The following TTLL3 variants were observed in gnomAD, a reference collection of about 807,000 sequenced individuals.
The protein encoded by TTLL3 is tubulin monoglycylase TTLL3.
A neutral mutation model predicts 75.2 loss-of-function variants in TTLL3; 63 were observed. The ratio of observed to expected loss-of-function variants is 0.84; its 90% CI spans 0.68 to 1.03. The LOEUF is 1.03. Ranked by LOEUF, TTLL3 falls within the 50% of genes least tolerant of loss-of-function variation. TTLL3 has a pLI of 0.00. For missense variants in TTLL3, 997 were observed against 1,069.9 expected, an observed-to-expected ratio of 0.93 and a Z score of 0.95; for synonymous variants, 393 against 418.5, an observed-to-expected ratio of 0.94 and a Z score of 0.74.
intron 5 of TTLL3, among the ~76,000 whole-genome samples, chr3:9,816,998 G>A (rs921886214): frequency 2.0e-5 from 3 of 152,252 alleles, no homozygotes; most frequent in East Asian, 3.9e-4. Flanking sequence ...AAGAGATGAG[G>A]TCTTGCTATG....
upstream of TTLL3, chr3:9,809,934 C>A: frequency 1.6e-6 from 2 of 1,252,126 alleles, no homozygotes; most frequent in East Asian, 3.2e-5. Flanking sequence ...CAGGAACTTC[C>A]CGGGAGAGGA....
intron 4 of TTLL3, among the ~76,000 whole-genome samples, chr3:9,815,829 G>A (rs1022508080): frequency 2.6e-5 from 4 of 152,252 alleles, no homozygotes; most frequent in Non-Finnish European, 5.9e-5. Context: ...GGAGGCAGAA[G>A]AGAGTCTTTG....
In TTLL3 at chr3:9,835,397, G is replaced by A; in HGVS notation, c.2356G>A (p.Val786Met). 1.2e-6 allele frequency: 2 copies of A among 1,613,746 alleles called. No individual in the cohort carries two copies. The highest frequency in any genetic ancestry group is 1.7e-6 in the Non-Finnish European group (2 of 1,180,002). The change falls in exon 14 of 14, where the codon GTG becomes ATG. Residue 786 changes from valine (V) to methionine (M), a missense_variant. Physicochemically the swap from Val to Met is conservative, Grantham distance 21 (BLOSUM62 1). Coordinates refer to ENST00000685419, the MANE Select transcript of TTLL3 (RefSeq NM_001387446.1). ...TCCAACACCAAATAAAAAGAAACAA[G>A]TGAAGTATTTGGGGCTTGACTCCAT... ...LDPTPNKKKQ[V>M]KYLGLDSIAV... is the part of the protein sequence containing the mutation.
Position 9,810,668 on chromosome 3 carries a change from C to G in TTLL3, c.7C>G (p.Arg3Gly). Reference protein sequence around the residue: MNRLRNAKIYVER... With the variant: MNGLRNAKIYVER... ...ATCCTCCAAGGCGTCTCACATGAAC[C>G]GGCTCAGAAACGCCAAAATCTACGT... The change falls in exon 2 of 14, where the codon CGG becomes GGG. Residue 3 changes from arginine to glycine, a missense_variant. By Grantham distance (125) the Arg-to-Gly change is moderately radical. Transcript: ENST00000685419. The surrounding 1 kb of genome is among the most constrained non-coding windows in gnomAD (Gnocchi z 4.4). 1 of 1,585,704 alleles carries G rather than the reference C, an allele frequency of 6.3e-7. No homozygotes were observed. Among genetic ancestry groups the G allele is most frequent in the South Asian group, 1.2e-5 (1 of 86,476 alleles).
intron 10 of TTLL3, chr3:9,828,755 C>G: frequency 1.5e-6 from 1 of 661,378 alleles, no homozygotes; most frequent in South Asian, 2.0e-5. Flanking sequence ...CTCAGAGCAG[C>G]CCTGAGAGAT....
intron 7 of TTLL3, 190 bp from the exon 8 acceptor site, chr3:9,820,356 C>T (rs1449876613): frequency 6.2e-6 from 9 of 1,445,636 alleles, no homozygotes; most frequent in African/African-American, 1.4e-5. Context: ...GAGCCAAGGG[C>T]AAGTGCTAGA....
At chr3:9,812,771 T>C (rs1305511719) in intron 2 of TTLL3, 172 bp from the exon 3 acceptor site, 1 of 741,694 alleles carries the variant, frequency 1.3e-6, no homozygotes, top group African/African-American at 1.8e-5. Context: ...CTATTATCAT[T>C]ATTACCATGC....
intron 10 of TTLL3, 137 bp from the exon 11 acceptor site, chr3:9,828,823 C>G: frequency 8.0e-6 from 9 of 1,118,884 alleles, no homozygotes; most frequent in Non-Finnish European, 1.1e-5. Flanking sequence ...TCCTTTTTGT[C>G]CTTCCCAGTA....
chr3:9,824,737 C>CTTTTTTTTT (rs71052207), intron 8 of TTLL3, among the ~76,000 whole-genome samples: 52 of 80,600 alleles, frequency 6.5e-4, no homozygotes, highest in Non-Finnish European at 8.6e-4. Flanking sequence ...CTTTTCTTTT[C>CTTTTTTTTT]TTTTTTTTTT....
chr3:9,828,672 C>G (rs2081270374), intron 10 of TTLL3: 1 of 458,506 alleles, frequency 2.2e-6, no homozygotes. Context: ...ACCCTCTTAT[C>G]TTCCAGACAC....
Position 9,818,851 on chromosome 3 carries a change from G to A in TTLL3, c.589G>A (p.Val197Ile), listed in dbSNP as rs374967773. 74 of 1,614,128 alleles carry A rather than the reference G, an allele frequency of 4.6e-5. 1 individual carries two copies. The highest frequency in any genetic ancestry group is 1.7e-4 in the Middle Eastern group (1 of 6,058). Residue 197 changes from valine (V) to isoleucine (I), a missense_variant, in exon 7 of 14, where the codon GTT becomes ATT. Transcript: ENST00000685419. ...CTTCTGGCTGACTGCTGCCCGCAAC[G>A]TTCTCAAGCTGGTGGTGAAGTCTGA... is the stretch of plus-strand genomic sequence containing the variant. ...EDFWLTAARN[V>I]LKLVVKSEWK...
intron 4 of TTLL3, 32 bp downstream of exon 4, chr3:9,813,377 G>A (rs769683679): frequency 1.2e-5 from 20 of 1,612,012 alleles, no homozygotes; most frequent in Non-Finnish European, 1.3e-5. Context: ...ATGATACAGG[G>A]ACTGCCTGCT....
At chr3:9,834,569 G>T (rs1047168950) in intron 12 of TTLL3, 112 bp from the exon 13 acceptor site, 6 of 1,513,962 alleles carry the variant, frequency 4.0e-6, no homozygotes, top group African/African-American at 1.4e-5. Context: ...GGGCTCCGTC[G>T]GCCTTCACCC....
chr3:9,826,992 C>T lies in TTLL3; in HGVS notation c.1004-5C>T, dbSNP rs760700877. ...CCAATCCCTGACTGCCCTCTTCCCC[C>T]GTAGGCATCATGTGCATGGACCACC... is the stretch of plus-strand genomic sequence containing the variant. On this transcript the variant is annotated splice_polypyrimidine_tract_variant and splice_region_variant and intron_variant, in intron 9 of 13. Coordinates refer to ENST00000685419, the MANE Select transcript of TTLL3 (RefSeq NM_001387446.1). 38 of 1,613,980 alleles carry T rather than the reference C, an allele frequency of 2.4e-5. No homozygotes were observed. The highest frequency in any genetic ancestry group is 2.0e-4 in the African/African-American group (15 of 74,910).
chr3:9,835,140 G>A lies in TTLL3; in HGVS notation c.2099G>A (p.Cys700Tyr). Residue 700 changes from cysteine (C) to tyrosine (Y), a missense_variant, in exon 14 of 14, where the codon TGT becomes TAT. Physicochemically the swap from Cys to Tyr is radical, Grantham distance 194. Coordinates refer to ENST00000685419, the MANE Select transcript of TTLL3 (RefSeq NM_001387446.1). The stretch of plus-strand genomic sequence containing the variant: ...CGAGGCCCCCAGCTGGAAGTGCCTT[G>A]TTGCCTCTGCCCTTTGAAGTCGGAA... Reference protein sequence around the residue: ...CLRGPQLEVPCCLCPLKSEQF... With the variant: ...CLRGPQLEVPYCLCPLKSEQF... 6.2e-7 allele frequency: 1 copy of A among 1,613,978 alleles called. No individual in the cohort carries two copies. Among genetic ancestry groups the A allele is most frequent in the Non-Finnish European group, 8.5e-7 (1 of 1,179,912 alleles).
chr3:9,830,796 T>C (rs913123115), intron 11 of TTLL3, among the ~76,000 whole-genome samples: 9 of 152,082 alleles, frequency 5.9e-5, no homozygotes, highest in African/African-American at 1.9e-4. Context: ...ATTTTTCAAA[T>C]GCCCCCCAAA....
chr3:9,822,758 A>T (rs982701214), intron 8 of TTLL3, among the ~76,000 whole-genome samples: 5 of 138,576 alleles, frequency 3.6e-5, no homozygotes, highest in Admixed American at 1.5e-4. Flanking sequence ...AATATATATA[A>T]TACATAATAT....
intron 4 of TTLL3, among the ~76,000 whole-genome samples, chr3:9,813,991 G>C (rs1253811244): frequency 6.6e-6 from 1 of 152,044 alleles, no homozygotes. Flanking sequence ...AGGCAGGAAG[G>C]AAGGTCTTAA....
At chr3:9,814,841 G>A (rs116818878) in intron 4 of TTLL3, among the ~76,000 whole-genome samples, 3,077 of 152,032 alleles carry the variant, frequency 0.02, 87 homozygotes, top group African/African-American at 0.07. Context: ...AAAGAAAAAA[G>A]GTTGAAAGAG....
Sources: allele counts gnomAD v4.1 joint callset (sites outside exome capture counted in the v4.1 genomes callset), GRCh38; gene constraint gnomAD v4.1.1; non-coding constraint Gnocchi (gnomAD v3.1); transcripts MANE v1.5; gene names NCBI Gene and HGNC (gene_info 2026-07-23, HGNC 2026-07-21).